The following GRIK1 variants were observed in gnomAD, a reference collection of about 807,000 sequenced individuals.
The protein encoded by GRIK1 is glutamate receptor ionotropic, kainate 1.
A neutral mutation model predicts 105.7 loss-of-function variants in GRIK1; 69 were observed. The observed-to-expected ratio is 0.65, with a 90% CI of 0.54 to 0.80. GRIK1 has a LOEUF of 0.80. GRIK1 is among the 30% of genes least tolerant of loss of function. The pLI is 0.00. For synonymous variants in GRIK1, 438 were observed against 431.3 expected (o/e 1.02, Z -0.19); for missense variants, 1,109 against 1,167.3 (o/e 0.95, Z 0.73).
In GRIK1 at chr21:29,651,268, T is replaced by C. The variant is rs1185976759; in HGVS notation, c.804A>G (p.Glu268=). 9 of 1,611,992 alleles carry C rather than the reference T, an allele frequency of 5.6e-6. No homozygotes were observed. The highest frequency in any genetic ancestry group is 1.7e-5 in the Admixed American group (1 of 59,710). ...TGTTTACGCCACTGTACCTATAGAG[T>C]TCCAGATCCAAAGCAAATAAGTCCT... The part of the protein sequence containing the change: ...TTLDLFALDL[E]LYRYSGVNMT... The change falls in exon 6 of 18, where the codon GAA becomes GAG. Residue 268 remains glutamate (E), a synonymous_variant. Coordinates refer to ENST00000327783, the MANE Select transcript of GRIK1 (RefSeq NM_001330994.2).
intron 1 of GRIK1, among the ~76,000 whole-genome samples, chr21:29,771,351 C>T (rs2065807851): frequency 1.3e-5 from 2 of 152,148 alleles, no homozygotes; most frequent in Non-Finnish European, 2.9e-5. Flanking sequence ...GCCCCGATGT[C>T]TAATGGAGTA....
In GRIK1 at chr21:29,590,300, T is replaced by A. The variant is rs363475; in HGVS notation, c.1365+812A>T. 0.011 allele frequency among the ~76,000 whole-genome samples: 1,644 copies of A among 152,264 alleles called. 66 individuals are homozygous for A. The East Asian group carries it at 0.12, about 11-fold the overall frequency. ...ACAAGTTAATAATATCAACAATAAA[T>A]TGATTTGACATTATGGACTGGTGTA... On this transcript the variant is annotated intron_variant, in intron 10 of 17. Transcript: ENST00000327783.
intron 16 of GRIK1, among the ~76,000 whole-genome samples, chr21:29,543,231 G>A (rs1307657573): frequency 1.3e-5 from 2 of 152,090 alleles, no homozygotes; most frequent in Non-Finnish European, 2.9e-5. Flanking sequence ...CTAAGCTCTA[G>A]TGTAGGAGCA....
At chr21:29,672,959 C>A in intron 4 of GRIK1, 24 bp downstream of exon 4, 1 of 1,550,838 alleles carries the variant, frequency 6.4e-7, no homozygotes, top group South Asian at 1.2e-5. Flanking sequence ...TCCCACACCT[C>A]CACCTCCTCC....
chr21:29,639,538 G>A (rs555784993), intron 7 of GRIK1, among the ~76,000 whole-genome samples: 1 of 152,338 alleles, frequency 6.6e-6, no homozygotes, highest in Admixed American at 6.5e-5. Flanking sequence ...GGGAGCCACA[G>A]TAGGTTCAGC....
At chr21:29,704,558 T>A (rs929712604) in intron 1 of GRIK1, among the ~76,000 whole-genome samples, 28 of 152,312 alleles carry the variant, frequency 1.8e-4, no homozygotes, top group African/African-American at 6.5e-4. Flanking sequence ...TAGTATGTTG[T>A]CCCCAGTAAA....
intron 14 of GRIK1, among the ~76,000 whole-genome samples, chr21:29,572,001 G>C (rs758289463): frequency 2.0e-5 from 3 of 152,164 alleles, no homozygotes; most frequent in Non-Finnish European, 4.4e-5. Context: ...CAGCTCAAGA[G>C]AGGTTATTGT....
intron 1 of GRIK1, among the ~76,000 whole-genome samples, chr21:29,867,508 C>T (rs1468187936): frequency 1.8e-4 from 27 of 151,866 alleles, no homozygotes; most frequent in Non-Finnish European, 4.4e-5. Context: ...GAAAAAGCTA[C>T]GAAGGGCCAG....
At chr21:29,560,358 TTTCTTTCTTCCTTCCTTCCTTCCTTC>T (rs2090390985) in intron 15 of GRIK1, among the ~76,000 whole-genome samples, 2 of 44,240 alleles carry the variant, frequency 4.5e-5, no homozygotes, top group Admixed American at 2.6e-4. Flanking sequence ...TTTCTTTCTT[TTTCTTTCTTCCTTCCTTCCTTCCTTC>T]CTTCCTTCCT....
At chr21:29,656,354 CAAAAAAAAA>C (rs3054331) in intron 4 of GRIK1, among the ~76,000 whole-genome samples, 125 of 51,100 alleles carry the variant, frequency 2.4e-3, no homozygotes, top group African/African-American at 5.6e-3. Flanking sequence ...GAGCGAGACT[CAAAAAAAAA>C]AAAAAAAAAA....
chr21:29,553,354 C>A, intron 16 of GRIK1: 1 of 1,199,688 alleles, frequency 8.3e-7, no homozygotes, highest in Non-Finnish European at 1.0e-6. Context: ...AGTCTTTATA[C>A]CCCTAATATG....
At chr21:29,678,223 G>C (rs552393866) in intron 3 of GRIK1, among the ~76,000 whole-genome samples, 2 of 152,162 alleles carry the variant, frequency 1.3e-5, no homozygotes, top group South Asian at 4.2e-4. Context: ...ATTCTTAAGG[G>C]GATCTGTGCA....
chr21:29,912,833 G>A (rs1413582045), intron 1 of GRIK1, among the ~76,000 whole-genome samples: 1 of 151,886 alleles, frequency 6.6e-6, no homozygotes, highest in Non-Finnish European at 1.5e-5. Flanking sequence ...ATTCCCGAAG[G>A]TTTTATTTTA....
At chr21:29,608,364 G>GGAA (rs1422136111) in intron 7 of GRIK1, among the ~76,000 whole-genome samples, 1 of 152,038 alleles carries the variant, frequency 6.6e-6, no homozygotes, top group African/African-American at 2.4e-5. Context: ...GAAGGTTGGA[G>GGAA]GAAACAGAAT....
chr21:29,589,688 T>C (rs1808109616), intron 10 of GRIK1, among the ~76,000 whole-genome samples: 1 of 152,116 alleles, frequency 6.6e-6, no homozygotes, highest in South Asian at 2.1e-4. Context: ...CCTCACAAAG[T>C]GCTGGGACTA....
chr21:29,928,806 C>A (rs117570787), intron 1 of GRIK1, among the ~76,000 whole-genome samples: 3 of 152,312 alleles, frequency 2.0e-5, no homozygotes, highest in East Asian at 3.9e-4. Flanking sequence ...ACAAGCTACA[C>A]CCCAGTGGAC....
chr21:29,900,925 C>G (rs992863715), intron 1 of GRIK1, among the ~76,000 whole-genome samples: 1 of 152,072 alleles, frequency 6.6e-6, no homozygotes, highest in African/African-American at 2.4e-5. Flanking sequence ...GAACAGAAAT[C>G]ACAACAAACT....
intron 1 of GRIK1, among the ~76,000 whole-genome samples, chr21:29,764,834 C>T (rs187847475): frequency 1.2e-4 from 18 of 152,190 alleles, no homozygotes; most frequent in Middle Eastern, 3.4e-3. Flanking sequence ...ATATTATAAA[C>T]GTGAATAAAC....
chr21:29,748,861 T>C (rs2065110898), intron 1 of GRIK1: 1 of 152,166 alleles, frequency 6.6e-6, no homozygotes, highest in Non-Finnish European at 1.5e-5. Flanking sequence ...GAAAGAAAAA[T>C]GCAGATAAGA....
Sources: gnomAD v4.1 joint callset for allele counts (sites outside exome capture counted in the v4.1 genomes callset) on GRCh38, gnomAD v4.1.1 for gene constraint, MANE v1.5 for transcripts, NCBI Gene and HGNC (gene_info 2026-07-23, HGNC 2026-07-21) for gene names.